Variants in KMT2C observed in about 807,000 individuals in gnomAD.
The protein encoded by KMT2C is lysine methyltransferase 2C, also known as histone-lysine N-methyltransferase 2C.
KMT2C carries 88 observed loss-of-function variants against 507.9 expected under a neutral mutation model. That is an observed-to-expected ratio of 0.17 (90% CI 0.15 to 0.21). KMT2C has a LOEUF of 0.21. KMT2C is among the 10% of genes least tolerant of loss of function. The pLI, the probability that KMT2C is intolerant of heterozygous loss-of-function variation, is 1.00. For missense variants in KMT2C, 4,954 were observed against 5,957.8 expected (o/e 0.83, Z 5.55); for synonymous variants, 2,049 against 2,080.8 (o/e 0.98, Z 0.42).
chr7:152,211,533 GC>G (rs1195502032), intron 23 of KMT2C, among the ~76,000 whole-genome samples: 2 of 152,148 alleles, frequency 1.3e-5, no homozygotes, highest in Non-Finnish European at 2.9e-5. Flanking sequence ...TAGTACAAAG[GC>G]CACCTTTCAC....
At chr7:152,288,564 T>TAAA (rs369301866) in intron 6 of KMT2C, among the ~76,000 whole-genome samples, 1 of 151,258 alleles carries the variant, frequency 6.6e-6, no homozygotes, top group African/African-American at 2.4e-5. Flanking sequence ...ATTTTTTTTT[T>TAAA]AAAAAAGACA....
chr7:152,307,770 C>T (rs1489629869), intron 6 of KMT2C, among the ~76,000 whole-genome samples: 1 of 152,126 alleles, frequency 6.6e-6, no homozygotes, highest in Non-Finnish European at 1.5e-5. Flanking sequence ...TTTTAACTAC[C>T]TTCCTAGCAA....
intron 5 of KMT2C, among the ~76,000 whole-genome samples, chr7:152,310,569 T>C (rs2096662342): frequency 6.6e-6 from 1 of 152,028 alleles, no homozygotes; most frequent in African/African-American, 2.4e-5. Context: ...CGTCTCAAAA[T>C]AAAAACCAAA....
At chr7:152,178,053 AT>A in intron 37 of KMT2C, 43 bp from the exon 38 acceptor site, 1 of 1,348,422 alleles carries the variant, frequency 7.4e-7, no homozygotes, top group Non-Finnish European at 9.5e-7. Context: ...GCAAATAGGT[AT>A]TATGTTAAAT....
rs375100603 is a variant in KMT2C, at chr7:152,358,697, A to G, written c.162-22T>C. 33 of 1,440,374 alleles carry G rather than the reference A, an allele frequency of 2.3e-5. No individual in the cohort carries two copies. The African/African-American group carries it at 2.7e-4, about 12-fold the overall frequency. 89.2% of individuals were successfully genotyped at this position (1,440,374 alleles called of 1,614,324 possible). ...AGGTCTACAGAAAAAAAAAAAAATAATAAGTACATAGAGTTAAATGTTAAA... is the reference window on the plus strand; with the variant it reads ...AGGTCTACAGAAAAAAAAAAAAATAGTAAGTACATAGAGTTAAATGTTAAA... On this transcript the variant is annotated intron_variant, in intron 1 of 58. Transcript: ENST00000262189.
At position 152,167,171 on chromosome 7, in the gene KMT2C, C is replaced by T. The variant is rs1391811597; in HGVS notation, c.9725G>A (p.Ser3242Asn). 4 of 1,613,878 alleles carry T rather than the reference C, an allele frequency of 2.5e-6. No homozygotes were observed. In the African/African-American group the frequency reaches 5.3e-5, roughly 22 times the overall value. ...EQLKHVTEQQ[S>N]MVQKQLEQIR... ...CTGTTCTAGCTGTTTCTGAACCATG[C>T]TTTGCTGTTCAGTAACATGCTTGAG... is the stretch of plus-strand genomic sequence containing the variant. The change falls in exon 42 of 59, where the codon AGC (serine) becomes AAC (asparagine). Residue 3242 changes from serine (S) to asparagine (N), a missense_variant. Physicochemically the swap from Ser to Asn is conservative, Grantham distance 46. Transcript: ENST00000262189.
At chr7:152,335,759 T>C (rs541377260) in intron 2 of KMT2C, among the ~76,000 whole-genome samples, 15 of 152,266 alleles carry the variant, frequency 9.9e-5, no homozygotes, top group Non-Finnish European at 1.5e-5. Flanking sequence ...AGCAGGACAA[T>C]GTCTATCTCT....
intron 6 of KMT2C, among the ~76,000 whole-genome samples, chr7:152,305,533 C>G (rs904257477): frequency 2.0e-5 from 3 of 151,620 alleles, no homozygotes; most frequent in Admixed American, 2.0e-4. Context: ...TCATGTAGAG[C>G]CTTACAGGTT....
chr7:152,413,949 T>C (rs931715202), intron 1 of KMT2C, among the ~76,000 whole-genome samples: 30 of 151,094 alleles, frequency 2.0e-4, no homozygotes, highest in East Asian at 3.9e-4. Flanking sequence ...CGATGGCTCA[T>C]GCCTGTAATC....
chr7:152,218,629 G>A (rs548471459), intron 23 of KMT2C, among the ~76,000 whole-genome samples: 12 of 152,210 alleles, frequency 7.9e-5, no homozygotes, highest in Middle Eastern at 3.4e-3. Context: ...CTTCTTTTCA[G>A]GAACATTCAA....
chr7:152,217,885 T>G (rs1448264716), intron 23 of KMT2C, among the ~76,000 whole-genome samples: 2 of 152,218 alleles, frequency 1.3e-5, no homozygotes, highest in Non-Finnish European at 2.9e-5. Context: ...TTTTGTGAAA[T>G]GGAGCACTTC....
At chr7:152,364,852 A>G (rs1022274092) in intron 1 of KMT2C, among the ~76,000 whole-genome samples, 2 of 151,986 alleles carry the variant, frequency 1.3e-5, no homozygotes, top group Non-Finnish European at 2.9e-5. Context: ...AAAATTGTTT[A>G]GTGAAATAAT....
chr7:152,367,314 C>G, intron 1 of KMT2C: 1 of 994,544 alleles, frequency 1.0e-6, no homozygotes, highest in African/African-American at 1.6e-5. Context: ...TGGAGGAGCC[C>G]TGACCTGCAC....
intron 51 of KMT2C, among the ~76,000 whole-genome samples, chr7:152,149,481 C>A (rs558648662): frequency 1.7e-4 from 26 of 152,326 alleles, no homozygotes; most frequent in African/African-American, 5.8e-4. Flanking sequence ...AAAGAAAAAA[C>A]ACACACACAC....
Position 152,177,766 on chromosome 7 carries a change from G to A in KMT2C, c.7687C>T (p.His2563Tyr), listed in dbSNP as rs2129115351. The A allele has an allele frequency of 6.2e-7, 1 of 1,614,090 alleles. No individual in the cohort carries two copies. ...ILGQAYIELR[H>Y]RAPDGRQRLP... ...CGTTGCCTTCCGTCAGGAGCCCTAT[G>A]TCTCAGTTCAATATATGCTTGGCCC... is the stretch of plus-strand genomic sequence containing the variant. Residue 2563 changes from histidine (H) to tyrosine (Y), a missense_variant, in exon 38 of 59, where the codon CAT becomes TAT. Around this residue, in one of 29 missense-constraint regions of KMT2C, gnomAD observed 1,689 missense variants for 1,654.3 expected, o/e 1.02. Coordinates refer to ENST00000262189, the MANE Select transcript of KMT2C (RefSeq NM_170606.3).
Position 152,346,955 on chromosome 7 carries a change from G to C in KMT2C, c.250+11632C>G, listed in dbSNP as rs191087115. ...ATCCTGGCTAACACGGTGAAACCCC[G>C]TCTCTACTAAAGATACAAAAACTTA... On this transcript the variant is annotated intron_variant, in intron 2 of 58. Transcript: ENST00000262189. 1.7e-3 allele frequency among the ~76,000 whole-genome samples: 252 copies of C among 152,106 alleles called. 1 individual carries two copies. Among genetic ancestry groups the C allele is most frequent in the Non-Finnish European group, 2.8e-3 (193 of 67,994 alleles).
rs1386482737 is a variant in KMT2C, at chr7:152,187,322, T to C, written c.4948A>G (p.Thr1650Ala). The C allele has an allele frequency of 1.2e-6, 2 of 1,614,170 alleles. No individual in the cohort carries two copies. Among genetic ancestry groups the C allele is most frequent in the Non-Finnish European group, 1.7e-6 (2 of 1,180,016 alleles). The change falls in exon 33 of 59, where the codon ACT (threonine) becomes GCT (alanine). Residue 1650 changes from threonine to alanine, a missense_variant. Around this residue, in one of 29 missense-constraint regions of KMT2C, gnomAD observed 24 missense variants for 52.9 expected, o/e 0.45. Transcript: ENST00000262189. ...TTGGTGTAGAGAACTGGGGCAACAG[T>C]TGCCATTTCACCCAGAGCCTCCTCT... ...EKEEALGEMATVAPVLYTNIN... is the reference protein window; with the variant it reads ...EKEEALGEMAAVAPVLYTNIN...
At chr7:152,201,177 G>A (rs1279393563) in intron 26 of KMT2C, among the ~76,000 whole-genome samples, 1 of 151,928 alleles carries the variant, frequency 6.6e-6, no homozygotes, top group Non-Finnish European at 1.5e-5. Context: ...TATTAATTTA[G>A]TGTGTTTTAC....
At chr7:152,236,947 G>T (rs1588473645) in intron 15 of KMT2C, among the ~76,000 whole-genome samples, 1 of 152,250 alleles carries the variant, frequency 6.6e-6, no homozygotes, top group African/African-American at 2.4e-5. Context: ...TACTTGAAAT[G>T]GAAATAATTT....
Sources: allele counts gnomAD v4.1 joint callset (sites outside exome capture counted in the v4.1 genomes callset), GRCh38; gene constraint gnomAD v4.1.1; regional missense constraint gnomAD v4.1.1; transcripts MANE v1.5; gene names NCBI Gene and HGNC (gene_info 2026-07-23, HGNC 2026-07-21).